The following NEDD4 variants were observed in gnomAD, a reference collection of about 807,000 sequenced individuals.
NEDD4 encodes the protein E3 ubiquitin-protein ligase NEDD4.
In NEDD4, 99 loss-of-function variants were observed where a neutral mutation model predicts 144.9. That is an observed-to-expected ratio of 0.68 (90% CI 0.58 to 0.81). The LOEUF (loss-of-function observed/expected upper bound fraction) is 0.81, where lower values mean the gene tolerates loss of function less well. Ranked by LOEUF, NEDD4 falls within the 30% of genes least tolerant of loss-of-function variation. The pLI is 0.00. For synonymous variants in NEDD4, 318 were observed against 350.6 expected (o/e 0.91, Z 1.04); for missense variants, 985 against 1,065.9 (o/e 0.92, Z 1.06).
At chr15:55,956,945 T>C (rs2037347725) in intron 2 of NEDD4, among the ~76,000 whole-genome samples, 1 of 152,224 alleles carries the variant, frequency 6.6e-6, no homozygotes, top group Non-Finnish European at 1.5e-5. Flanking sequence ...TATGTATCCA[T>C]TGATTTATGT....
intron 1 of NEDD4, chr15:55,991,968 G>A (rs1479824898): frequency 2.6e-5 from 4 of 152,230 alleles, no homozygotes; most frequent in African/African-American, 9.6e-5. Context: ...TCTGCTGGAA[G>A]GCGGTGAGAT....
intron 5 of NEDD4, among the ~76,000 whole-genome samples, chr15:55,901,966 T>C (rs2035927500): frequency 6.6e-6 from 1 of 152,150 alleles, no homozygotes; most frequent in Non-Finnish European, 1.5e-5. Context: ...TAATAGGAAC[T>C]AATAGAGTTA....
At chr15:55,927,104 GAAAGAA>G (rs2036688099) in intron 4 of NEDD4, among the ~76,000 whole-genome samples, 1 of 137,618 alleles carries the variant, frequency 7.3e-6, no homozygotes, top group Non-Finnish European at 1.6e-5. Flanking sequence ...AAAAAAGAAA[GAAAGAA>G]AAAGAAAAAC....
intron 4 of NEDD4, among the ~76,000 whole-genome samples, chr15:55,947,708 T>C (rs2037148155): frequency 6.6e-6 from 1 of 152,202 alleles, no homozygotes; most frequent in African/African-American, 2.4e-5. Context: ...AACCATATGA[T>C]TATCTCAATA....
At chr15:55,864,319 A>G (rs1415148646) in intron 8 of NEDD4, among the ~76,000 whole-genome samples, 1 of 152,164 alleles carries the variant, frequency 6.6e-6, no homozygotes, top group Non-Finnish European at 1.5e-5. Context: ...TCAGTCTCAC[A>G]AAGGTGTCAA....
chr15:55,830,578 C>G lies in NEDD4; in HGVS notation c.2536G>C (p.Gly846Arg), dbSNP rs2032901753. ...NGFAELYGSN[G>R]PQSFTVEQWG... Reference sequence around the variant, plus strand: ...TGTTCAACTGTAAATGACTGTGGTCCATTTGAACCTATAAGGAAGAATTTA... The same window carrying G: ...TGTTCAACTGTAAATGACTGTGGTCGATTTGAACCTATAAGGAAGAATTTA... Residue 846 changes from glycine to arginine, a missense_variant, in exon 28 of 29, where the codon GGA becomes CGA. Gly to Arg is a moderately radical substitution (Grantham distance 125, BLOSUM62 -2). Coordinates refer to ENST00000435532, the MANE Select transcript of NEDD4 (RefSeq NM_006154.4). 1 of 1,613,874 alleles carries G rather than the reference C, an allele frequency of 6.2e-7. No individual in the cohort carries two copies. The highest frequency in any genetic ancestry group is 1.7e-5 in the Admixed American group (1 of 60,000).
chr15:55,915,474 A>G (rs1169783058), intron 5 of NEDD4: 2 of 1,613,806 alleles, frequency 1.2e-6, no homozygotes, highest in South Asian at 1.1e-5. Context: ...ACTTCTTCGT[A>G]AAATACCATG....
intron 24 of NEDD4, among the ~76,000 whole-genome samples, chr15:55,836,331 G>GAC (rs10526731): frequency 0.039 from 5,757 of 147,950 alleles, 147 homozygotes; most frequent in Admixed American, 0.069. Context: ...AAAAGTATGT[G>GAC]ACACACACAC....
chr15:55,979,336 CCTCTTTTTTT>C (rs1324191512), intron 1 of NEDD4, among the ~76,000 whole-genome samples: 7 of 76,336 alleles, frequency 9.2e-5, no homozygotes, highest in African/African-American at 2.9e-4. Flanking sequence ...AAAGTTTTTA[CCTCTTTTTTT>C]TTTTTTTTTT....
At chr15:55,972,690 TAGAG>T (rs2037631687) in intron 1 of NEDD4, among the ~76,000 whole-genome samples, 1 of 152,060 alleles carries the variant, frequency 6.6e-6, no homozygotes, top group Non-Finnish European at 1.5e-5. Flanking sequence ...TCAAAAGACA[TAGAG>T]TGGTTGATGG....
rs1332989903 is a variant in NEDD4, at chr15:55,860,426, C to T, written c.941G>A (p.Ser314Asn). 6.2e-7 allele frequency: 1 copy of T among 1,613,968 alleles called. No homozygotes were observed. Among genetic ancestry groups the T allele is most frequent in the East Asian group, 2.2e-5 (1 of 44,888 alleles). The change falls in exon 11 of 29, where the codon AGC becomes AAC. Residue 314 changes from serine (S) to asparagine (N), a missense_variant. Ser to Asn is a conservative substitution (Grantham distance 46). Coordinates refer to ENST00000435532, the MANE Select transcript of NEDD4 (RefSeq NM_006154.4). ...TCTTACTGAGCTCGATGCTGGCTGG[C>T]TCACGGCTGAATTTCCAAAAATGGT... ...RLTIFGNSAV[S>N]QPASSSNHSS...
intron 1 of NEDD4, among the ~76,000 whole-genome samples, chr15:55,969,987 C>T (rs1336299359): frequency 2.0e-5 from 3 of 152,114 alleles, no homozygotes; most frequent in African/African-American, 2.4e-5. Context: ...GCCTTAGCTC[C>T]GAGAGGGCAT....
intron 5 of NEDD4, among the ~76,000 whole-genome samples, chr15:55,892,699 GT>G (rs1310240401): frequency 6.6e-6 from 1 of 152,128 alleles, no homozygotes; most frequent in Admixed American, 6.5e-5. Flanking sequence ...GGTGATAGCT[GT>G]TTTATTTTTG....
At chr15:55,833,431 G>C (rs2033050367) in intron 26 of NEDD4, among the ~76,000 whole-genome samples, 3 of 152,096 alleles carry the variant, frequency 2.0e-5, no homozygotes, top group African/African-American at 4.8e-5. Context: ...GCTGAGGTGG[G>C]TGGATCACTT....
At chr15:55,956,414 G>A (rs1357030166) in intron 2 of NEDD4, among the ~76,000 whole-genome samples, 1 of 151,942 alleles carries the variant, frequency 6.6e-6, no homozygotes, top group Non-Finnish European at 1.5e-5. Flanking sequence ...TTTCCTATGT[G>A]TTCCTATAGA....
At chr15:55,853,257 G>A (rs2034064238) in intron 12 of NEDD4, among the ~76,000 whole-genome samples, 1 of 151,846 alleles carries the variant, frequency 6.6e-6, no homozygotes, top group African/African-American at 2.4e-5. Flanking sequence ...TACTTCACTT[G>A]GGAAAAAAAA....
intron 2 of NEDD4, among the ~76,000 whole-genome samples, chr15:55,952,449 C>T (rs2037258824): frequency 6.6e-6 from 1 of 152,174 alleles, no homozygotes; most frequent in Non-Finnish European, 1.5e-5. Context: ...AGACTTTGGA[C>T]ACTTTACTTG....
chr15:55,854,237 G>T (rs969635247), intron 12 of NEDD4, among the ~76,000 whole-genome samples: 15 of 151,966 alleles, frequency 9.9e-5, no homozygotes, highest in African/African-American at 3.6e-4. Context: ...GGCTCCCTAA[G>T]GTGGCTTACA....
At chr15:55,896,497 A>G (rs184498110) in intron 5 of NEDD4, among the ~76,000 whole-genome samples, 7 of 152,240 alleles carry the variant, frequency 4.6e-5, no homozygotes, top group Admixed American at 1.3e-4. Context: ...TGCCATTTTA[A>G]TAAAAATTTA....
Sources: allele counts gnomAD v4.1 joint callset (sites outside exome capture counted in the v4.1 genomes callset), GRCh38; gene constraint gnomAD v4.1.1; transcripts MANE v1.5; gene names NCBI Gene and HGNC (gene_info 2026-07-23, HGNC 2026-07-21).